Variants in CSMD1 observed in about 807,000 individuals in gnomAD.
The protein encoded by CSMD1 is CUB and sushi domain-containing protein 1.
Under a neutral mutation model 417.5 loss-of-function variants are expected in CSMD1, and 213 were observed. That is an observed-to-expected ratio of 0.51 (90% CI 0.46 to 0.57). CSMD1 has a LOEUF of 0.57. CSMD1 is among the 20% of genes least tolerant of loss of function. The pLI is 0.00. For synonymous variants in CSMD1, 2,862 were observed against 1,736.8 expected (o/e 1.65, Z -16.11); for missense variants, 6,923 against 4,529.7 (o/e 1.53, Z -15.17).
At chr8:2,981,411 C>T (rs1176887791) in intron 54 of CSMD1, among the ~76,000 whole-genome samples, 1 of 151,300 alleles carries the variant, frequency 6.6e-6, no homozygotes, top group East Asian at 1.9e-4. Flanking sequence ...ATATGTCAGG[C>T]CCACCTGCAG....
intron 1 of CSMD1, among the ~76,000 whole-genome samples, chr8:4,728,661 A>G (rs1809633554): frequency 6.6e-6 from 1 of 152,172 alleles, no homozygotes; most frequent in Admixed American, 6.5e-5. Context: ...TAACTAGTTA[A>G]TATTGCTTAA....
chr8:3,624,882 G>A (rs1286634513), intron 7 of CSMD1, among the ~76,000 whole-genome samples: 1 of 152,100 alleles, frequency 6.6e-6, no homozygotes, highest in East Asian at 1.9e-4. Flanking sequence ...TCTTTGATTT[G>A]CAGGAGGTTT....
chr8:4,825,497 G>A (rs560486650), intron 1 of CSMD1, among the ~76,000 whole-genome samples: 2 of 152,102 alleles, frequency 1.3e-5, no homozygotes, highest in South Asian at 2.1e-4. Flanking sequence ...AAGATCGCCC[G>A]ATTTTTCCTT....
chr8:3,474,792 C>G (rs926966400), intron 11 of CSMD1, among the ~76,000 whole-genome samples: 1 of 152,144 alleles, frequency 6.6e-6, no homozygotes, highest in Admixed American at 6.5e-5. Context: ...GTCTTGCTTT[C>G]TTTAACACAG....
intron 42 of CSMD1, among the ~76,000 whole-genome samples, chr8:3,112,421 C>T (rs746974): frequency 1.3e-5 from 2 of 152,160 alleles, no homozygotes; most frequent in East Asian, 3.9e-4. Context: ...AAAAAGCCAT[C>T]GTTCCCACCT....
Position 4,337,115 on chromosome 8 carries a change from C to G in CSMD1, c.415+82838G>C, listed in dbSNP as rs1009496507. On this transcript the variant is annotated intron_variant, in intron 3 of 69. Coordinates refer to ENST00000635120, the MANE Select transcript of CSMD1 (RefSeq NM_033225.6). ...AACGTTGCGGCCACGTACAGGAGAC[C>G]GAAGCATTTAAGTGGGATCTTCTGC... 3.3e-5 allele frequency among the ~76,000 whole-genome samples: 5 copies of G among 152,182 alleles called. No individual in the cohort carries two copies. The East Asian group carries it at 9.7e-4, about 29-fold the overall frequency.
intron 4 of CSMD1, among the ~76,000 whole-genome samples, chr8:3,999,446 C>G (rs1314836598): frequency 6.6e-6 from 1 of 152,138 alleles, no homozygotes. Flanking sequence ...CATCTTTCAG[C>G]GATGTTCGTT....
chr8:4,521,905 G>T (rs1023132917), intron 2 of CSMD1, among the ~76,000 whole-genome samples: 1 of 152,172 alleles, frequency 6.6e-6, no homozygotes, highest in East Asian at 1.9e-4. Flanking sequence ...GCCATGGCAG[G>T]CACACCATGA....
At chr8:4,062,897 C>A in intron 3 of CSMD1, among the ~76,000 whole-genome samples, 1 of 143,068 alleles carries the variant, frequency 7.0e-6, no homozygotes. Context: ...TAAACTGCAG[C>A]AATATTACTG....
intron 42 of CSMD1, among the ~76,000 whole-genome samples, chr8:3,112,226 A>G (rs2129016557): frequency 6.6e-6 from 1 of 152,314 alleles, no homozygotes; most frequent in South Asian, 2.1e-4. Flanking sequence ...ACCAGAGAGC[A>G]CTTTAAGAGT....
chr8:3,893,487 C>T (rs1011174666), intron 5 of CSMD1, among the ~76,000 whole-genome samples: 1 of 151,032 alleles, frequency 6.6e-6, no homozygotes, highest in Non-Finnish European at 1.5e-5. Context: ...AAAGCAAAAC[C>T]AGAACATTTA....
At chr8:4,723,866 T>C (rs1809237829) in intron 1 of CSMD1, among the ~76,000 whole-genome samples, 1 of 151,622 alleles carries the variant, frequency 6.6e-6, no homozygotes, top group South Asian at 2.1e-4. Flanking sequence ...TCCCATTGCC[T>C]TCCCAAAACT....
At chr8:4,981,369 A>G (rs1810879450) in intron 1 of CSMD1, among the ~76,000 whole-genome samples, 1 of 152,186 alleles carries the variant, frequency 6.6e-6, no homozygotes, top group Non-Finnish European at 1.5e-5. Context: ...ATAATTTAGA[A>G]TTTGACTGAT....
chr8:4,422,580 C>G (rs1476602118), intron 2 of CSMD1, among the ~76,000 whole-genome samples: 1 of 152,038 alleles, frequency 6.6e-6, no homozygotes, highest in African/African-American at 2.4e-5. Flanking sequence ...TCACCAGGAA[C>G]TGACTATTCT....
In CSMD1 at chr8:4,167,852, A is replaced by G. The variant is rs141084298; in HGVS notation, c.416-135753T>C. On this transcript the variant is annotated intron_variant, in intron 3 of 69. Transcript: ENST00000635120. ...CAAGAATTATATATAAAAAGGCCAG[A>G]CATGATGGCTTAGGCCTGTAATCTC... Among the ~76,000 whole-genome samples, 287 of 152,196 alleles carry G rather than the reference A, an allele frequency of 1.9e-3. 2 individuals carry two copies. The highest frequency in any genetic ancestry group is 6.7e-3 in the African/African-American group (277 of 41,532).
At position 4,296,971 on chromosome 8, in the gene CSMD1, G is replaced by C. The variant is rs1797721288; in HGVS notation, c.415+122982C>G. On this transcript the variant is annotated intron_variant, in intron 3 of 69. Coordinates refer to ENST00000635120, the MANE Select transcript of CSMD1 (RefSeq NM_033225.6). ...TGAAAATATAAAAACCTGTAAGTCAGATGACAATAGTGCAAAGAAGTACAA... is the reference window on the plus strand; with the variant it reads ...TGAAAATATAAAAACCTGTAAGTCACATGACAATAGTGCAAAGAAGTACAA... Among the ~76,000 whole-genome samples the C allele has an allele frequency of 3.3e-5, 5 of 152,208 alleles. 1 individual carries two copies. In the South Asian group the frequency reaches 8.3e-4, roughly 25 times the overall value.
chr8:3,415,311 T>C (rs139529364), intron 12 of CSMD1, among the ~76,000 whole-genome samples: 22 of 152,320 alleles, frequency 1.4e-4, no homozygotes, highest in Non-Finnish European at 2.6e-4. Context: ...ACATTATTAT[T>C]AACCATAGTA....
At chr8:4,421,639 G>T (rs1417143112) in intron 2 of CSMD1, among the ~76,000 whole-genome samples, 1 of 151,994 alleles carries the variant, frequency 6.6e-6, no homozygotes, top group Admixed American at 6.6e-5. Flanking sequence ...TAAACTGAAT[G>T]AAAATATAAA....
intron 5 of CSMD1, among the ~76,000 whole-genome samples, chr8:3,771,016 G>A (rs539595772): frequency 1.4e-3 from 127 of 89,828 alleles, no homozygotes; most frequent in African/African-American, 5.8e-3. Flanking sequence ...CTGTCAGTGT[G>A]TCTGTGTGTG....
Sources: gnomAD v4.1 joint callset for allele counts (sites outside exome capture counted in the v4.1 genomes callset) on GRCh38, gnomAD v4.1.1 for gene constraint, MANE v1.5 for transcripts, NCBI Gene and HGNC (gene_info 2026-07-23, HGNC 2026-07-21) for gene names.